Variants in ZNF425 observed in about 807,000 individuals in gnomAD.
The protein encoded by ZNF425 is zinc finger protein 425.
Under a neutral mutation model 17.0 loss-of-function variants are expected in ZNF425, and 21 were observed. That is an observed-to-expected ratio of 1.23 (90% CI 0.88 to 1.78). ZNF425 has a LOEUF of 1.78. ZNF425 is among the 40% of genes most tolerant of loss of function. The pLI is 0.00. For synonymous variants in ZNF425, 433 were observed against 384.1 expected (o/e 1.13, Z -1.49); for missense variants, 868 against 967.3 (o/e 0.90, Z 1.36).
Position 149,103,710 on chromosome 7 carries a change from G to T in ZNF425, c.2161C>A (p.Pro721Thr). 6.2e-7 allele frequency: 1 copy of T among 1,614,182 alleles called. No individual in the cohort carries two copies. Among genetic ancestry groups the T allele is most frequent in the African/African-American group, 1.3e-5 (1 of 75,058 alleles). ...CTTCCACACTCATCACAAGAAAAAGGCCTCTCCCCACTGTGAAGGCACAGA... is the reference window on the plus strand; with the variant it reads ...CTTCCACACTCATCACAAGAAAAAGTCCTCTCCCCACTGTGAAGGCACAGA... ...AHLCLHSGER[P>T]FSCDECGRSF... The change falls in exon 4 of 4, where the codon CCT (proline) becomes ACT (threonine). Residue 721 changes from proline to threonine, a missense_variant. Coordinates refer to ENST00000378061, the MANE Select transcript of ZNF425 (RefSeq NM_001001661.3).
Position 149,112,177 on chromosome 7 carries a change from T to A in ZNF425, c.264A>T (p.Glu88Asp), listed in dbSNP as rs755627397. 5 of 1,613,976 alleles carry A rather than the reference T, an allele frequency of 3.1e-6. No homozygotes were observed. Among genetic ancestry groups the A allele is most frequent in the Non-Finnish European group, 3.4e-6 (4 of 1,179,988 alleles). The change falls in exon 3 of 4, where the codon GAA (glutamate) becomes GAT (aspartate). Residue 88 changes from glutamate to aspartate, a missense_variant. This residue lies in a region of ZNF425 where 179 missense variants were observed against 216.3 expected (regional missense o/e 0.83). Transcript: ENST00000378061. ...TRRTTSPPTD[E>D]QLNMKNTGKL... The stretch of plus-strand genomic sequence containing the variant: ...TTCCAGTATTCTTCATGTTCAACTG[T>A]TCATCAGTAGGAGGGCTAGTTGTCC...
intron 2 of ZNF425, among the ~76,000 whole-genome samples, chr7:149,115,892 G>A (rs1192171995): frequency 6.6e-6 from 1 of 152,178 alleles, no homozygotes; most frequent in Non-Finnish European, 1.5e-5. Flanking sequence ...CTGGGCCTGA[G>A]CCCGAACCTG....
At chr7:149,123,638 T>TA (rs1826395985) in intron 1 of ZNF425, among the ~76,000 whole-genome samples, 1 of 151,998 alleles carries the variant, frequency 6.6e-6, no homozygotes. Context: ...TTCAAGAGAT[T>TA]CTTCTGTCTC....
Position 149,103,697 on chromosome 7 carries a change from T to A in ZNF425, c.2174A>T (p.Asp725Val), listed in dbSNP as rs763892237. ...LHSGERPFSC[D>V]ECGRSFTYVG... ...GTACGTGAAGCTCCTTCCACACTCA[T>A]CACAAGAAAAAGGCCTCTCCCCACT... Residue 725 changes from aspartate to valine, a missense_variant, in exon 4 of 4, where the codon GAT becomes GTT. By Grantham distance (152) the Asp-to-Val change is radical (BLOSUM62 -3). Transcript: ENST00000378061. 2.5e-6 allele frequency: 4 copies of A among 1,613,980 alleles called. No homozygotes were observed. The highest frequency in any genetic ancestry group is 1.3e-5 in the African/African-American group (1 of 74,906).
In ZNF425 at chr7:149,104,933, T is replaced by C; in HGVS notation, c.938A>G (p.Gln313Arg). The C allele has an allele frequency of 1.9e-6, 3 of 1,613,816 alleles. No homozygotes were observed. The highest frequency in any genetic ancestry group is 2.5e-6 in the Non-Finnish European group (3 of 1,179,968). Residue 313 changes from glutamine to arginine, a missense_variant, in exon 4 of 4, where the codon CAG (glutamine) becomes CGG (arginine). Physicochemically the swap from Gln to Arg is conservative, Grantham distance 43. Coordinates refer to ENST00000378061, the MANE Select transcript of ZNF425 (RefSeq NM_001001661.3). This position sits in a 1 kb window ranked among gnomAD's most constrained non-coding sequence, Gnocchi z 4.3. Reference protein sequence around the residue: ...CCGECGRAFVQQCELTEHLRL... With the variant: ...CCGECGRAFVRQCELTEHLRL... ...CAAGTGCTCCGTGAGCTCGCACTGC[T>C]GCACGAAGGCCCGGCCGCACTCCCC...
At chr7:149,107,325 A>T (rs573302462) in intron 3 of ZNF425, among the ~76,000 whole-genome samples, 35 of 138,562 alleles carry the variant, frequency 2.5e-4, no homozygotes, top group African/African-American at 9.6e-4. Flanking sequence ...TTATTTATTT[A>T]TTTATTTATT....
rs368590888 is a variant in ZNF425, at chr7:149,105,044, C to T, written c.827G>A (p.Cys276Tyr). The T allele has an allele frequency of 5.0e-6, 8 of 1,614,122 alleles. No homozygotes were observed. Among genetic ancestry groups the T allele is most frequent in the Middle Eastern group, 3.3e-4 (2 of 6,084 alleles). Residue 276 changes from cysteine to tyrosine, a missense_variant, in exon 4 of 4, where the codon TGC (cysteine) becomes TAC (tyrosine). Cys to Tyr is a radical substitution (Grantham distance 194). This residue lies in a region of ZNF425 where 243 missense variants were observed against 265.2 expected (regional missense o/e 0.92). Coordinates refer to ENST00000378061, the MANE Select transcript of ZNF425 (RefSeq NM_001001661.3). The part of the protein sequence containing the change: ...VVHTGQRPYP[C>Y]PECDKTFRYR... ...CCGGAAGGTCTTGTCGCACTCAGGG[C>T]ATGGGTAGGGCCGCTGGCCGGTGTG...
chr7:149,104,075 T>C lies in ZNF425; in HGVS notation c.1796A>G (p.Glu599Gly). ...CTCTCCACTGTGCAGCCTCAGGTGCTCGGTGAGCTGAGACTGATGCGTGTA... is the reference window on the plus strand; with the variant it reads ...CTCTCCACTGTGCAGCCTCAGGTGCCCGGTGAGCTGAGACTGATGCGTGTA... ...KTYTHQSQLT[E>G]HLRLHSGEKP... is the part of the protein sequence containing the mutation. The change falls in exon 4 of 4, where the codon GAG (glutamate) becomes GGG (glycine). Residue 599 changes from glutamate to glycine, a missense_variant. This residue lies in a region of ZNF425 where 437 missense variants were observed against 444.2 expected (regional missense o/e 0.98). Coordinates refer to ENST00000378061, the MANE Select transcript of ZNF425 (RefSeq NM_001001661.3). This position sits in a 1 kb window ranked among gnomAD's most constrained non-coding sequence, Gnocchi z 4.3. 2 of 1,613,152 alleles carry C rather than the reference T, an allele frequency of 1.2e-6. No individual in the cohort carries two copies. Among genetic ancestry groups the C allele is most frequent in the Non-Finnish European group, 1.7e-6 (2 of 1,179,976 alleles).
At chr7:149,111,277 T>C (rs111312971) in intron 3 of ZNF425, among the ~76,000 whole-genome samples, 91,098 of 150,784 alleles carry the variant, frequency 0.6, 28,751 homozygotes, top group East Asian at 0.9. Flanking sequence ...GGCGAAACAC[T>C]GTCTCTACTA....
chr7:149,124,112 G>T (rs1308294300), intron 1 of ZNF425, among the ~76,000 whole-genome samples: 2 of 151,660 alleles, frequency 1.3e-5, no homozygotes, highest in African/African-American at 4.8e-5. Context: ...CTCCCAAAGT[G>T]CTGGGATTAC....
At chr7:149,114,614 G>A (rs1826228977) in intron 2 of ZNF425, among the ~76,000 whole-genome samples, 1 of 151,682 alleles carries the variant, frequency 6.6e-6, no homozygotes, top group South Asian at 2.1e-4. Context: ...GGCCAGGCCG[G>A]TCTCGAATGC....
chr7:149,109,783 G>A lies in ZNF425; in HGVS notation c.304+2354C>T, dbSNP rs181262796. The stretch of plus-strand genomic sequence containing the variant: ...TTGCCCTCGCCTAACGTACTCCTGT[G>A]ACTGTGGGAGGCACTCGATATTGGT... On this transcript the variant is annotated intron_variant, in intron 3 of 3. Transcript: ENST00000378061. Among the ~76,000 whole-genome samples, 110 of 152,150 alleles carry A rather than the reference G, an allele frequency of 7.2e-4. 1 individual carries two copies. Among genetic ancestry groups the A allele is most frequent in the Non-Finnish European group, 1.2e-4 (8 of 67,986 alleles).
In ZNF425 at chr7:149,125,811, T is replaced by C. The variant is rs1399699533; in HGVS notation, c.18+385A>G. On this transcript the variant is annotated intron_variant, in intron 1 of 3. Coordinates refer to ENST00000378061, the MANE Select transcript of ZNF425 (RefSeq NM_001001661.3). ...GTTTCCGAGCTGGGCCGGTTCCCCC[T>C]CCCTGGGGAACCTGGTGGTCCCCGC... The C allele has an allele frequency of 2.1e-5, 8 of 381,874 alleles. No homozygotes were observed. The East Asian group carries it at 5.5e-4, about 26-fold the overall frequency. The allele number at this position is 381,874 out of a possible 1,614,324, so 23.7% of individuals were successfully genotyped here.
chr7:149,118,123 A>C (rs1826295785), intron 2 of ZNF425, 99 bp downstream of exon 2: 1 of 1,330,232 alleles, frequency 7.5e-7, no homozygotes, highest in Non-Finnish European at 1.1e-6. Flanking sequence ...TAAACTGGGC[A>C]CAGTATCATA....
intron 2 of ZNF425, among the ~76,000 whole-genome samples, chr7:149,116,650 G>A (rs1826271095): frequency 6.6e-6 from 1 of 151,970 alleles, no homozygotes; most frequent in Non-Finnish European, 1.5e-5. Flanking sequence ...ACTCCCCTCT[G>A]TTTAAATCCC....
intron 3 of ZNF425, among the ~76,000 whole-genome samples, chr7:149,108,520 G>A (rs1464582999): frequency 2.6e-5 from 4 of 152,084 alleles, no homozygotes; most frequent in African/African-American, 4.8e-5. Context: ...GTGATTATTG[G>A]CTGAGCACCA....
chr7:149,105,800 G>C lies in ZNF425; in HGVS notation c.305-234C>G, dbSNP rs542714204. On this transcript the variant is annotated intron_variant, in intron 3 of 3. Transcript: ENST00000378061. ...CAAGTAGCTGGGACGACAGGCGCCC[G>C]CCACCACGCCCGGCTAATTTTTTGT... Among the ~76,000 whole-genome samples, 228 of 151,462 alleles carry C rather than the reference G, an allele frequency of 1.5e-3. 1 individual carries two copies. The highest frequency in any genetic ancestry group is 3.5e-3 in the Middle Eastern group (1 of 286).
At position 149,105,610 on chromosome 7, in the gene ZNF425, C is replaced by T. The variant is rs535170876; in HGVS notation, c.305-44G>A. ...TCACTCTCATCAGTGATATGTCTACCCTATAAATGGGTTCAAGGACTGTCT... is the reference window on the plus strand; with the variant it reads ...TCACTCTCATCAGTGATATGTCTACTCTATAAATGGGTTCAAGGACTGTCT... On this transcript the variant is annotated intron_variant, in intron 3 of 3. Transcript: ENST00000378061. 9.4e-6 allele frequency: 13 copies of T among 1,387,462 alleles called. No homozygotes were observed. The South Asian group carries it at 2.6e-4, about 28-fold the overall frequency. The allele number at this position is 1,387,462 out of a possible 1,614,324, so 85.9% of individuals were successfully genotyped here. A position where few individuals can be genotyped will look rare whatever the true frequency, so the allele number is the denominator to read the frequency against.
rs1322701551 is a variant in ZNF425, at chr7:149,126,269, A to G, written c.-56T>C. 5.0e-6 allele frequency: 8 copies of G among 1,593,074 alleles called. No individual in the cohort carries two copies. In the Admixed American group the frequency reaches 1.4e-4, roughly 28 times the overall value. ...CACGGCCTCCCCTCCGCTCCGCCCC[A>G]ACCCAACTCCCAGGTACAGCCCTGC... On this transcript the variant is annotated 5_prime_UTR_variant, in exon 1 of 4. Transcript: ENST00000378061.
Sources: allele counts gnomAD v4.1 joint callset (sites outside exome capture counted in the v4.1 genomes callset), GRCh38; gene constraint gnomAD v4.1.1; regional missense constraint gnomAD v4.1.1; non-coding constraint Gnocchi (gnomAD v3.1); transcripts MANE v1.5; gene names NCBI Gene and HGNC (gene_info 2026-07-23, HGNC 2026-07-21).